The following ACP6 variants were observed in gnomAD, a reference collection of about 807,000 sequenced individuals.
ACP6 encodes acid phosphatase 6, lysophosphatidic, also known as lysophosphatidic acid phosphatase type 6.
ACP6 carries 48 observed loss-of-function variants against 48.1 expected under a neutral mutation model. The observed-to-expected ratio is 1.00, with a 90% confidence interval of 0.79 to 1.27. ACP6 has a LOEUF of 1.27. Among genes scored for constraint, ACP6 ranks in the 50% most tolerant of loss-of-function variants. ACP6 has a pLI of 0.00. For missense variants in ACP6, 485 were observed against 529.1 expected (o/e 0.92, Z 0.82); for synonymous variants, 172 against 204.2 (o/e 0.84, Z 1.34).
intron 8 of ACP6, among the ~76,000 whole-genome samples, chr1:147,649,346 C>T (rs587677950): frequency 1.6e-4 from 24 of 152,274 alleles, no homozygotes; most frequent in African/African-American, 4.8e-4. Flanking sequence ...TCCTGCAGAA[C>T]GCACTTAGCA....
At chr1:147,641,714 A>G (rs1553208708), downstream of ACP6, among the ~76,000 whole-genome samples, 2 of 152,216 alleles carry the variant, frequency 1.3e-5, no homozygotes, top group East Asian at 3.9e-4. Context: ...AGGTAGATAA[A>G]CATTAACTTC....
At chr1:147,663,008 G>C (rs782305697) in intron 1 of ACP6, among the ~76,000 whole-genome samples, 10 of 152,178 alleles carry the variant, frequency 6.6e-5, no homozygotes, top group Non-Finnish European at 1.0e-4. Context: ...CTCACTGAAG[G>C]CTCAGGTAAT....
downstream of ACP6, among the ~76,000 whole-genome samples, chr1:147,641,728 G>A (rs1251832042): frequency 6.6e-6 from 1 of 152,178 alleles, no homozygotes; most frequent in Non-Finnish European, 1.5e-5. Flanking sequence ...TAACTTCCCC[G>A]CTTTATAGTT....
At chr1:147,655,058 A>T in intron 5 of ACP6, 103 bp downstream of exon 5, 1 of 887,776 alleles carries the variant, frequency 1.1e-6, no homozygotes, top group East Asian at 2.7e-5. Context: ...ATTATTCGCC[A>T]GTAGGGTAAG....
chr1:147,660,308 C>G (rs1180548474), intron 1 of ACP6, among the ~76,000 whole-genome samples: 1 of 152,192 alleles, frequency 6.6e-6, no homozygotes, highest in Non-Finnish European at 1.5e-5. Flanking sequence ...TTCCATTATT[C>G]CTTGCAATCT....
At chr1:147,653,991 G>C (rs1277003310) in intron 6 of ACP6, among the ~76,000 whole-genome samples, 1 of 152,156 alleles carries the variant, frequency 6.6e-6, no homozygotes, top group Non-Finnish European at 1.5e-5. Flanking sequence ...CTGGTCTAGA[G>C]TTCAGTGTCT....
At chr1:147,666,561 T>C (rs587731066) in intron 1 of ACP6, among the ~76,000 whole-genome samples, 1 of 152,348 alleles carries the variant, frequency 6.6e-6, no homozygotes, top group East Asian at 1.9e-4. Flanking sequence ...TACTGATGCC[T>C]GAGTCCCAAC....
chr1:147,669,746 C>T, intron 1 of ACP6, 84 bp downstream of exon 1: 3 of 1,379,542 alleles, frequency 2.2e-6, no homozygotes, highest in South Asian at 2.8e-5. Context: ...GCGAGTAAAG[C>T]TCTGAAGATG....
rs1166043268 is a variant in ACP6, at chr1:147,643,092, C to T, written c.*4331G>A. The T allele has an allele frequency of 2.6e-5, 4 of 152,148 alleles. No individual in the cohort carries two copies. The highest frequency in any genetic ancestry group is 2.0e-4 in the Admixed American group (3 of 15,282). 9.4% of individuals were successfully genotyped at this position (152,148 alleles called of 1,614,324 possible). A position where few individuals can be genotyped will look rare whatever the true frequency, so the allele number is the denominator to read the frequency against. On this transcript the variant is annotated 3_prime_UTR_variant, in exon 10 of 10. Transcript: ENST00000583509. ...CAGTCATATTGGATTACAGCCTACCCATATGACCTCATTTACTTTACCTCT... is the reference window on the plus strand; with the variant it reads ...CAGTCATATTGGATTACAGCCTACCTATATGACCTCATTTACTTTACCTCT...
At chr1:147,658,787 G>A (rs1039748222) in intron 4 of ACP6, among the ~76,000 whole-genome samples, 173 bp downstream of exon 4, 2 of 152,076 alleles carry the variant, frequency 1.3e-5, no homozygotes, top group African/African-American at 4.8e-5. Flanking sequence ...AGGCTGGCAG[G>A]GGCACCATAA....
chr1:147,665,321 G>A (rs1159840144), intron 1 of ACP6, among the ~76,000 whole-genome samples: 4 of 152,206 alleles, frequency 2.6e-5, no homozygotes, highest in African/African-American at 9.7e-5. Context: ...ATCTAAGCCA[G>A]TTAACAATAG....
downstream of ACP6, chr1:147,642,195 A>C (rs1410875401): frequency 2.6e-5 from 4 of 152,082 alleles, no homozygotes; most frequent in African/African-American, 9.7e-5. Flanking sequence ...GTGGAAGGAG[A>C]GTGCATAGAA....
chr1:147,666,911 T>C (rs1198431358), intron 1 of ACP6, among the ~76,000 whole-genome samples: 1 of 152,166 alleles, frequency 6.6e-6, no homozygotes, highest in East Asian at 1.9e-4. Context: ...CTCATCTATA[T>C]TGTCAAATAA....
chr1:147,669,764 G>A lies in ACP6; in HGVS notation c.219+66C>T, dbSNP rs1012487137. The A allele has an allele frequency of 1.4e-5, 20 of 1,459,884 alleles. No individual in the cohort carries two copies. The African/African-American group carries it at 2.7e-4, about 19-fold the overall frequency. The allele number at this position is 1,459,884 out of a possible 1,614,324, so 90.4% of individuals were successfully genotyped here. On this transcript the variant is annotated intron_variant, in intron 1 of 9. Coordinates refer to ENST00000583509, the MANE Select transcript of ACP6 (RefSeq NM_016361.5). ...AGTAAAGCTCTGAAGATGTGTGTCA[G>A]GGCGAGACTCCTGGCCTGGCACACG...
In ACP6 at chr1:147,659,694, T is replaced by G. The variant is rs374575256; in HGVS notation, c.301A>C (p.Lys101Gln). The change falls in exon 2 of 10, where the codon AAA becomes CAA. Residue 101 changes from lysine to glutamine, a missense_variant. Physicochemically the swap from Lys to Gln is moderately conservative, Grantham distance 53. Transcript: ENST00000583509. ...YTVTNLAGGP[K>Q]PYSPYDSQYH... The stretch of plus-strand genomic sequence containing the variant: ...TGAGAGTCGTAAGGAGAATATGGTT[T>G]CGGACCACCAGCTAGATTGGTGACT... The G allele has an allele frequency of 2.1e-5, 34 of 1,614,214 alleles. No homozygotes were observed. The African/African-American group carries it at 3.7e-4, about 18-fold the overall frequency.
chr1:147,648,432 C>G (rs375150545), intron 8 of ACP6, 21 bp from the exon 9 acceptor site: 6 of 1,613,326 alleles, frequency 3.7e-6, no homozygotes, highest in Non-Finnish European at 5.1e-6. Context: ...AAACAGCTCT[C>G]CACAATTCTC....
chr1:147,649,873 T>C (rs587649619), intron 8 of ACP6: 58 of 486,640 alleles, frequency 1.2e-4, no homozygotes, highest in Admixed American at 5.6e-4. Flanking sequence ...CAGTGTGACA[T>C]CATAATTGGC....
At chr1:147,660,500 G>A (rs1660494255) in intron 1 of ACP6, among the ~76,000 whole-genome samples, 1 of 152,116 alleles carries the variant, frequency 6.6e-6, no homozygotes, top group South Asian at 2.1e-4. Flanking sequence ...CCCTCTCAAT[G>A]TTACCACAGT....
At chr1:147,662,212 T>C (rs1660581412) in intron 1 of ACP6, among the ~76,000 whole-genome samples, 2 of 152,242 alleles carry the variant, frequency 1.3e-5, no homozygotes, top group South Asian at 4.1e-4. Flanking sequence ...CTAATGGAGA[T>C]GTACAAAATT....
Sources: allele counts gnomAD v4.1 joint callset (sites outside exome capture counted in the v4.1 genomes callset), GRCh38; gene constraint gnomAD v4.1.1; transcripts MANE v1.5; gene names NCBI Gene and HGNC (gene_info 2026-07-23, HGNC 2026-07-21).